CCND3: variants seen among roughly 807,000 people sequenced by gnomAD.
CCND3 encodes cyclin D3, also known as G1/S-specific cyclin-D3.
In CCND3, 9 loss-of-function variants were observed where a neutral mutation model predicts 28.7. That is an observed-to-expected ratio of 0.31 (90% CI 0.19 to 0.55). CCND3 has a LOEUF of 0.55. Among genes scored for constraint, CCND3 ranks in the 20% least tolerant of loss-of-function variants. CCND3 has a pLI of 0.93. For missense variants in CCND3, 315 were observed against 385.8 expected, an observed-to-expected ratio of 0.82 and a Z score of 1.54; for synonymous variants, 164 against 163.9, an observed-to-expected ratio of 1.00 and a Z score of 0.00.
At chr6:41,996,151 G>A (rs796766387) in intron 1 of CCND3, among the ~76,000 whole-genome samples, 1 of 127,046 alleles carries the variant, frequency 7.9e-6, no homozygotes, top group Non-Finnish European at 1.6e-5. Context: ...TTTTTTGTTT[G>A]TTTGTTTGTT....
At chr6:41,979,877 C>T (rs755266896) in intron 1 of CCND3, among the ~76,000 whole-genome samples, 1 of 151,922 alleles carries the variant, frequency 6.6e-6, no homozygotes, top group African/African-American at 2.4e-5. Flanking sequence ...CTCAAGTGAT[C>T]CCCCTGCCTC....
intron 1 of CCND3, among the ~76,000 whole-genome samples, chr6:42,004,196 A>G (rs1763114926): frequency 6.6e-6 from 1 of 151,242 alleles, no homozygotes; most frequent in Non-Finnish European, 1.5e-5. Flanking sequence ...CCCAGGTTCA[A>G]GCGCTTCTCA....
chr6:42,020,201 C>T (rs1763660394), intron 1 of CCND3, among the ~76,000 whole-genome samples: 1 of 152,098 alleles, frequency 6.6e-6, no homozygotes, highest in African/African-American at 2.4e-5. Context: ...ATGGCACGAA[C>T]CCAGGAGGAG....
chr6:42,047,237 T>G (rs571071606), intron 1 of CCND3, among the ~76,000 whole-genome samples: 153 of 152,352 alleles, frequency 1.0e-3, no homozygotes, highest in Non-Finnish European at 1.8e-3. Flanking sequence ...GCTTTCAGTG[T>G]TAAGTTCCAG....
chr6:41,949,597 CA>C (rs901742733), intron 1 of CCND3, among the ~76,000 whole-genome samples: 14 of 139,720 alleles, frequency 1.0e-4, no homozygotes, highest in Non-Finnish European at 1.4e-4. Flanking sequence ...CGTCTCAAAA[CA>C]AAAAAAAAAG....
intron 1 of CCND3, among the ~76,000 whole-genome samples, chr6:41,995,952 T>A (rs1363656304): frequency 2.0e-5 from 3 of 151,320 alleles, no homozygotes; most frequent in Admixed American, 6.6e-5. Flanking sequence ...AAAATTTTTT[T>A]AAAATACATA....
chr6:42,030,258 G>A (rs776821813), intron 1 of CCND3: 4 of 152,296 alleles, frequency 2.6e-5, no homozygotes, highest in Non-Finnish European at 5.9e-5. Context: ...GATTGGTCCA[G>A]CTCCAGGAGA....
At chr6:42,041,262 A>G (rs1290118833) in intron 1 of CCND3, among the ~76,000 whole-genome samples, 1 of 152,262 alleles carries the variant, frequency 6.6e-6, no homozygotes, top group Non-Finnish European at 1.5e-5. Context: ...TTAAGAACCC[A>G]AAAGGCTGGG....
intron 1 of CCND3, among the ~76,000 whole-genome samples, chr6:42,015,893 A>G (rs1221093437): frequency 6.6e-6 from 1 of 151,854 alleles, no homozygotes; most frequent in Admixed American, 6.6e-5. Flanking sequence ...CTGCTCTCTT[A>G]GCAGTTTTCA....
chr6:41,980,010 T>TCACACACACACACACACACACACACA (rs58375638), intron 1 of CCND3, among the ~76,000 whole-genome samples: 2,720 of 137,114 alleles, frequency 0.02, 57 homozygotes, highest in South Asian at 0.039. Flanking sequence ...GCTTTCAAAA[T>TCACACACACACACACACACACACACA]CACACACACA....
intron 1 of CCND3, among the ~76,000 whole-genome samples, chr6:42,026,934 T>G (rs1458470966): frequency 6.6e-6 from 1 of 152,172 alleles, no homozygotes; most frequent in Admixed American, 6.5e-5. Context: ...CCCGGATCTG[T>G]ATGGGAGAAA....
intron 1 of CCND3, among the ~76,000 whole-genome samples, chr6:42,025,651 G>A (rs963227161): frequency 6.6e-6 from 1 of 152,138 alleles, no homozygotes; most frequent in Admixed American, 6.5e-5. Flanking sequence ...GCCGCCCCAC[G>A]ATGGCGGGCT....
rs567345462 is a variant in CCND3, at chr6:42,027,734, T to G, written c.-46+20767A>C. Among the ~76,000 whole-genome samples, 8 of 149,826 alleles carry G rather than the reference T, an allele frequency of 5.3e-5. No individual in the cohort carries two copies. In the South Asian group the frequency reaches 1.1e-3, roughly 20 times the overall value. On this transcript the variant is annotated intron_variant, in intron 1 of 4. Coordinates refer to the CCND3 transcript ENST00000372988. ...ATCTCTTAGCCTCTCTAAGCCTCAG[T>G]TTTTTTTGTTTGTTTGTTTGTTTGT... is the stretch of plus-strand genomic sequence containing the variant.
rs70987558 is a variant in CCND3 at position 41,993,410 on chromosome 6, C to CTTTTT, written c.-45-52830_-45-52826dup. ...AATATATTTGTTAAGCTCATGTCTTCTTTTTTTTTTTTTTTTTTTGAGATG... is the reference window on the plus strand; with the variant it reads ...AATATATTTGTTAAGCTCATGTCTTCTTTTTTTTTTTTTTTTTTTTTTTTGAGATG... On this transcript the variant is annotated intron_variant, in intron 1 of 4. Coordinates refer to the CCND3 transcript ENST00000372988. 1.1e-3 allele frequency among the ~76,000 whole-genome samples: 108 copies of CTTTTT among 101,664 alleles called. 2 individuals carry two copies. The highest frequency in any genetic ancestry group is 1.4e-3 in the Non-Finnish European group (70 of 51,538). 66.7% of individuals were successfully genotyped at this position (101,664 alleles called of 152,430 possible).
Position 41,940,924 on chromosome 6 carries a change from C to A in CCND3, c.199-339G>T, listed in dbSNP as rs753466606. 6 of 1,589,828 alleles carry A rather than the reference C, an allele frequency of 3.8e-6. No homozygotes were observed. In the Admixed American group the frequency reaches 6.7e-5, roughly 18 times the overall value. ...TGGTAGCCAGAGAGCTGGGACCTCA[C>A]CCCCATCACCGCCACCACTGCACAC... is the stretch of plus-strand genomic sequence containing the variant. On this transcript the variant is annotated intron_variant, in intron 1 of 4. Coordinates refer to ENST00000372991, the MANE Select transcript of CCND3 (RefSeq NM_001760.5).
chr6:41,998,089 G>C lies in CCND3; in HGVS notation c.-46+50412C>G, dbSNP rs1762865344. Among the ~76,000 whole-genome samples the C allele has an allele frequency of 2.6e-5, 4 of 151,832 alleles. No individual in the cohort carries two copies. The South Asian group carries it at 8.3e-4, about 32-fold the overall frequency. ...AGATCACTTGAGGTCAGGAGTTCAA[G>C]ACCAGCCTGGCCAACATGGTGAAAC... On this transcript the variant is annotated intron_variant, in intron 1 of 4. Transcript: ENST00000372988.
Position 42,000,508 on chromosome 6 carries a change from G to C in CCND3, c.-46+47993C>G, listed in dbSNP as rs1197700917. 2.8e-5 allele frequency among the ~76,000 whole-genome samples: 4 copies of C among 141,656 alleles called. No homozygotes were observed. The Admixed American group carries it at 2.9e-4, about 10-fold the overall frequency. 92.9% of individuals were successfully genotyped at this position (141,656 alleles called of 152,430 possible). On this transcript the variant is annotated intron_variant, in intron 1 of 4. Transcript: ENST00000372988. Reference sequence around the variant, plus strand: ...CTCCCAAAGTGCTGGGATTATAAGCGTGAGCCACCGCGCCCGGCCTGAAAA... The same window carrying C: ...CTCCCAAAGTGCTGGGATTATAAGCCTGAGCCACCGCGCCCGGCCTGAAAA...
intron 1 of CCND3, 159 bp from the exon 2 acceptor site, chr6:41,940,744 C>T (rs1240781977): frequency 1.1e-5 from 8 of 750,214 alleles, no homozygotes; most frequent in Non-Finnish European, 1.6e-5. Flanking sequence ...GATGCGCCCT[C>T]CCCAAGGTGA....
chr6:42,016,548 TA>T, intron 1 of CCND3, among the ~76,000 whole-genome samples: 1 of 151,682 alleles, frequency 6.6e-6, no homozygotes, highest in Non-Finnish European at 1.5e-5. Context: ...GTGCCTAGCA[TA>T]TGGTAAATGC....
Sources: allele counts gnomAD v4.1 joint callset (sites outside exome capture counted in the v4.1 genomes callset), GRCh38; gene constraint gnomAD v4.1.1; transcripts MANE v1.5; gene names NCBI Gene and HGNC (gene_info 2026-07-23, HGNC 2026-07-21).